Variants in WNK3 observed in about 807,000 individuals in gnomAD.
WNK3 encodes the protein serine/threonine-protein kinase WNK3.
A neutral mutation model predicts 116.7 loss-of-function variants in WNK3; 18 were observed. That is an observed-to-expected ratio of 0.15 (90% CI 0.11 to 0.23). WNK3 has a LOEUF of 0.23. Ranked by LOEUF, WNK3 falls within the 10% of genes least tolerant of loss-of-function variation. The probability of loss-of-function intolerance (pLI) is 1.00; values close to 1 mark genes in which losing one functional copy is unlikely to be tolerated. For missense variants in WNK3, 993 were observed against 1,323.8 expected (o/e 0.75, Z 3.88); for synonymous variants, 404 against 469.4 (o/e 0.86, Z 1.80).
intron 22 of WNK3, among the ~76,000 whole-genome samples, chrX:54,203,631 A>C (rs960141615): frequency 9.0e-6 from 1 of 111,336 alleles, no homozygotes; most frequent in South Asian, 3.8e-4. Context: ...AACTGGCGTC[A>C]TATGCTGGGG....
intron 1 of WNK3, among the ~76,000 whole-genome samples, chrX:54,346,079 A>G (rs1246744979): frequency 9.8e-6 from 1 of 101,867 alleles, no homozygotes; most frequent in Non-Finnish European, 2.0e-5. Flanking sequence ...TTTTCAATAT[A>G]TAAATTTAAC....
chrX:54,309,838 A>G (rs113117916), intron 3 of WNK3, among the ~76,000 whole-genome samples: 1,174 of 111,939 alleles, frequency 0.01, 14 homozygotes, highest in African/African-American at 0.037. Context: ...AGCCAAGTGT[A>G]GCATTTTTAA....
At chrX:54,286,091 C>G (rs1894545) in intron 10 of WNK3, among the ~76,000 whole-genome samples, 3,566 of 110,149 alleles carry the variant, frequency 0.032, 145 homozygotes, top group African/African-American at 0.11. Context: ...TTGGGGAAAA[C>G]GTTTTAATTA....
intron 22 of WNK3, among the ~76,000 whole-genome samples, chrX:54,221,842 A>G (rs2067765690): frequency 9.1e-6 from 1 of 109,739 alleles, no homozygotes; most frequent in Non-Finnish European, 1.9e-5. Flanking sequence ...TTAAAAAAAA[A>G]CCAACCAACC....
At chrX:54,216,755 A>T (rs2067700715) in intron 22 of WNK3, among the ~76,000 whole-genome samples, 1 of 112,265 alleles carries the variant, frequency 8.9e-6, no homozygotes, top group Non-Finnish European at 1.9e-5. Context: ...CCCTTTGGAA[A>T]AGATATCCAG....
At chrX:54,353,066 G>T (rs1406388504) in intron 1 of WNK3, among the ~76,000 whole-genome samples, 5 of 112,044 alleles carry the variant, frequency 4.5e-5, no homozygotes, top group African/African-American at 1.6e-4. Context: ...ACAATGGGGA[G>T]TGACTGCTTA....
Position 54,260,493 on chromosome X carries a change from A to G in WNK3, c.2038-1155T>C, listed in dbSNP as rs781954153. On this transcript the variant is annotated intron_variant, in intron 10 of 23. Coordinates refer to ENST00000354646, the Ensembl canonical transcript of WNK3. ...ATAGCTACTATACAATAATATGGAAATATATTTTATAATCACTTGCAATTA... is the reference window on the plus strand; with the variant it reads ...ATAGCTACTATACAATAATATGGAAGTATATTTTATAATCACTTGCAATTA... 1.7e-4 allele frequency among the ~76,000 whole-genome samples: 19 copies of G among 111,759 alleles called. No homozygotes were observed. The South Asian group carries it at 4.5e-3, about 27-fold the overall frequency.
intron 5 of WNK3, among the ~76,000 whole-genome samples, chrX:54,305,038 C>T (rs1557168367): frequency 9.1e-6 from 1 of 109,627 alleles, no homozygotes; most frequent in Non-Finnish European, 1.9e-5. Context: ...GTAATCCCAG[C>T]TACTTGGGAG....
intron 5 of WNK3, among the ~76,000 whole-genome samples, chrX:54,302,493 G>C (rs1453215879): frequency 9.2e-6 from 1 of 108,373 alleles, no homozygotes; most frequent in African/African-American, 3.3e-5. Flanking sequence ...TAGAGACGGG[G>C]TTTCACCATG....
At chrX:54,345,234 TC>T (rs1431574408) in intron 1 of WNK3, among the ~76,000 whole-genome samples, 2 of 75,043 alleles carry the variant, frequency 2.7e-5, no homozygotes, top group East Asian at 9.8e-4. Context: ...AAAGGGAGAC[TC>T]TGTCTCAACA....
intron 2 of WNK3, among the ~76,000 whole-genome samples, chrX:54,331,564 G>A (rs1171252815): frequency 1.8e-5 from 2 of 111,274 alleles, no homozygotes; most frequent in Non-Finnish European, 3.8e-5. Context: ...AAGCAGGTGA[G>A]AAGAAAACCA....
chrX:54,239,766 C>T (rs931011836), intron 17 of WNK3, among the ~76,000 whole-genome samples: 1 of 111,257 alleles, frequency 9.0e-6, no homozygotes, highest in Admixed American at 9.7e-5. Flanking sequence ...TTCTACTCCC[C>T]GCAAAAGGGC....
chrX:54,253,842 A>G, intron 13 of WNK3, 117 bp downstream of exon 13: 1 of 518,002 alleles, frequency 1.9e-6, no homozygotes, highest in Non-Finnish European at 3.2e-6. Context: ...CCTCTGTACA[A>G]AATTTTAAAA....
intron 1 of WNK3, among the ~76,000 whole-genome samples, chrX:54,354,200 C>T (rs1446417546): frequency 8.9e-6 from 1 of 111,737 alleles, no homozygotes; most frequent in Non-Finnish European, 1.9e-5. Context: ...CAAGCTCTAT[C>T]AAAACAATTA....
Position 54,240,103 on chromosome X carries a change from G to A in WNK3, c.3652-1004C>T, listed in dbSNP as rs183454332. Among the ~76,000 whole-genome samples, 18 of 110,961 alleles carry A rather than the reference G, an allele frequency of 1.6e-4. No individual in the cohort carries two copies. The East Asian group carries it at 5.1e-3, about 31-fold the overall frequency. On this transcript the variant is annotated intron_variant, in intron 17 of 23. Coordinates refer to ENST00000354646, the Ensembl canonical transcript of WNK3. Reference sequence around the variant, plus strand: ...GCAGATAACCTGAGGTCAGGAGTTTGAGACCAGACTGGCCAACATGGTGAA... The same window carrying A: ...GCAGATAACCTGAGGTCAGGAGTTTAAGACCAGACTGGCCAACATGGTGAA...
intron 10 of WNK3, among the ~76,000 whole-genome samples, chrX:54,277,615 C>T (rs191563725): frequency 9.0e-5 from 10 of 110,888 alleles, no homozygotes; most frequent in East Asian, 2.8e-4. Flanking sequence ...GGATTACAGG[C>T]GTGAGCCAAC....
At chrX:54,278,616 T>C (rs182362293) in intron 10 of WNK3, among the ~76,000 whole-genome samples, 175 of 110,161 alleles carry the variant, frequency 1.6e-3, no homozygotes, top group African/African-American at 5.6e-3. Context: ...TTGACAGAAA[T>C]ATAAAAGCAA....
chrX:54,194,735 G>A (rs782728688), exon 24 of WNK3: 1 of 111,509 alleles, frequency 9.0e-6, no homozygotes, highest in East Asian at 2.8e-4. Context: ...AGAATACTGA[G>A]AATCAAGGCA....
intron 1 of WNK3, among the ~76,000 whole-genome samples, chrX:54,347,552 AAGT>A (rs2069449870): frequency 9.2e-6 from 1 of 109,147 alleles, no homozygotes; most frequent in Non-Finnish European, 1.9e-5. Flanking sequence ...TGGGAGGCTG[AAGT>A]AGGAGGATTG....
Sources: gnomAD v4.1 joint callset for allele counts (sites outside exome capture counted in the v4.1 genomes callset) on GRCh38, gnomAD v4.1.1 for gene constraint, MANE v1.5 for transcripts, NCBI Gene and HGNC (gene_info 2026-07-23, HGNC 2026-07-21) for gene names.